QSOX1: variants seen among roughly 807,000 people sequenced by gnomAD.
The protein encoded by QSOX1 is sulfhydryl oxidase 1.
Under a neutral mutation model 76.1 loss-of-function variants are expected in QSOX1, and 40 were observed. The ratio of observed to expected loss-of-function variants is 0.53; its 90% CI spans 0.41 to 0.68. The LOEUF is 0.68. QSOX1 is among the 30% of genes least tolerant of loss of function. QSOX1 has a pLI of 0.00. For missense variants in QSOX1, 931 were observed against 974.3 expected, an observed-to-expected ratio of 0.96 and a Z score of 0.59; for synonymous variants, 392 against 413.1, an observed-to-expected ratio of 0.95 and a Z score of 0.62.
chr1:180,167,028 C>T (rs1032500655), intron 2 of QSOX1, among the ~76,000 whole-genome samples: 7 of 152,242 alleles, frequency 4.6e-5, no homozygotes, highest in African/African-American at 1.2e-4. Flanking sequence ...ATCCCCGGCA[C>T]GGGAGTTATC....
intron 2 of QSOX1, among the ~76,000 whole-genome samples, chr1:180,174,348 G>A (rs554115020): frequency 1.3e-5 from 2 of 152,358 alleles, no homozygotes; most frequent in Non-Finnish European, 2.9e-5. Context: ...GGCTTGGGGT[G>A]TCATGTACAT....
intron 1 of QSOX1, among the ~76,000 whole-genome samples, chr1:180,165,872 G>A (rs749615830): frequency 3.3e-5 from 5 of 150,816 alleles, no homozygotes; most frequent in African/African-American, 1.0e-4. Context: ...CTTGTGGCCC[G>A]GGGCCTGATG....
chr1:180,168,266 G>C (rs1178266607), intron 2 of QSOX1, among the ~76,000 whole-genome samples: 1 of 152,252 alleles, frequency 6.6e-6, no homozygotes, highest in Non-Finnish European at 1.5e-5. Flanking sequence ...GCTGGCTGTG[G>C]GAGGGGCACT....
intron 1 of QSOX1, among the ~76,000 whole-genome samples, chr1:180,160,625 A>G (rs1662471933): frequency 6.6e-6 from 1 of 152,166 alleles, no homozygotes; most frequent in East Asian, 1.9e-4. Context: ...TTATCCTGCC[A>G]GACAAAAAAA....
intron 6 of QSOX1, among the ~76,000 whole-genome samples, chr1:180,183,593 G>A (rs958882773): frequency 6.6e-6 from 1 of 152,184 alleles, no homozygotes; most frequent in Non-Finnish European, 1.5e-5. Context: ...TGTGGGCACC[G>A]GGCTGTCCCG....
Position 180,197,032 on chromosome 1 carries a change from G to A in QSOX1, c.2239G>A (p.Ala747Thr). Residue 747 changes from alanine to threonine, a missense_variant, in exon 12 of 12, where the codon GCC becomes ACC. Ala to Thr is a moderately conservative substitution (Grantham distance 58). Coordinates refer to ENST00000367602, the MANE Select transcript of QSOX1 (RefSeq NM_002826.5). ...GAAGGGCCATGCTGGCCACCCTGCA[G>A]CCTGAACCACCTGGGGAGGAGGCGG... ...ALKGHAGHPAA is the reference protein window; with the variant it reads ...ALKGHAGHPAT 1 of 1,607,252 alleles carries A rather than the reference G, an allele frequency of 6.2e-7. No individual in the cohort carries two copies. The highest frequency in any genetic ancestry group is 8.5e-7 in the Non-Finnish European group (1 of 1,176,700).
At chr1:180,188,162 A>T (rs563031022) in intron 8 of QSOX1, among the ~76,000 whole-genome samples, 1 of 152,196 alleles carries the variant, frequency 6.6e-6, no homozygotes, top group Non-Finnish European at 1.5e-5. Flanking sequence ...CATCCAGCCC[A>T]TGCCCATTAC....
chr1:180,201,115 G>T lies in QSOX1; in HGVS notation c.*4078G>T, dbSNP rs143313446. The T allele has an allele frequency of 6.6e-6, 1 of 152,188 alleles. No homozygotes were observed. Among genetic ancestry groups the T allele is most frequent in the Non-Finnish European group, 1.5e-5 (1 of 68,030 alleles). 9.4% of individuals were successfully genotyped at this position (152,188 alleles called of 1,614,324 possible). On this transcript the variant is annotated 3_prime_UTR_variant, in exon 12 of 12. Coordinates refer to ENST00000367602, the MANE Select transcript of QSOX1 (RefSeq NM_002826.5). Reference sequence around the variant, plus strand: ...TCAGCTCGTCTGTGAAATTGGGGCCGCAGACTTAGTTTGCGGGTCCCTGCT... The same window carrying T: ...TCAGCTCGTCTGTGAAATTGGGGCCTCAGACTTAGTTTGCGGGTCCCTGCT...
chr1:180,184,089 C>T (rs1558190191), intron 7 of QSOX1, 39 bp downstream of exon 7: 17 of 1,607,884 alleles, frequency 1.1e-5, no homozygotes, highest in South Asian at 4.4e-5. Flanking sequence ...CTTCTCCTTC[C>T]TCTGATCACA....
Position 180,196,362 on chromosome 1 carries a change from C to T in QSOX1, c.1569C>T (p.Asp523=), listed in dbSNP as rs569784163. The T allele has an allele frequency of 3.7e-6, 6 of 1,614,178 alleles. No individual in the cohort carries two copies. Among genetic ancestry groups the T allele is most frequent in the East Asian group, 2.2e-5 (1 of 44,884 alleles). ...AACGCCTGGATGTGCCCGTGTGGGA[C>T]GTGGAAGCCACCCTCAACTTCCTCA... The part of the protein sequence containing the change: ...HNERLDVPVW[D]VEATLNFLKA... The change falls in exon 12 of 12, where the codon GAC becomes GAT. Residue 523 remains aspartate (D), a synonymous_variant. Transcript: ENST00000367602. This position sits in a 1 kb window ranked among gnomAD's most constrained non-coding sequence, Gnocchi z 4.1.
chr1:180,187,214 G>A (rs2874044), intron 8 of QSOX1, among the ~76,000 whole-genome samples: 115,648 of 152,188 alleles, frequency 0.76, 44,200 homozygotes, highest in Non-Finnish European at 0.78. Context: ...CACTGAGAGG[G>A]CCTGACAGGG....
intron 9 of QSOX1, 78 bp from the exon 10 acceptor site, chr1:180,190,355 T>C: frequency 6.7e-7 from 1 of 1,489,216 alleles, no homozygotes; most frequent in South Asian, 1.2e-5. Context: ...CTTAGGGCTG[T>C]CTCCTAGAAG....
rs890851198 is a variant in QSOX1, at chr1:180,196,309, C to G, written c.1516C>G (p.Arg506Gly). Reference protein sequence around the residue: ...PQFPKVQWPPRELCSACHNER... With the variant: ...PQFPKVQWPPGELCSACHNER... ...GTTCCCCAAGGTGCAGTGGCCACCC[C>G]GTGAACTTTGTTCTGCCTGCCACAA... The change falls in exon 12 of 12, where the codon CGT becomes GGT. Residue 506 changes from arginine to glycine, a missense_variant. Arg to Gly is a moderately radical substitution (Grantham distance 125). Transcript: ENST00000367602. This position sits in a 1 kb window ranked among gnomAD's most constrained non-coding sequence, Gnocchi z 4.1. The G allele has an allele frequency of 5.6e-6, 9 of 1,614,072 alleles. No individual in the cohort carries two copies. Among genetic ancestry groups the G allele is most frequent in the Non-Finnish European group, 7.6e-6 (9 of 1,179,974 alleles).
At chr1:180,178,041 T>A (rs1294838220) in intron 4 of QSOX1, among the ~76,000 whole-genome samples, 1 of 152,088 alleles carries the variant, frequency 6.6e-6, no homozygotes, top group Non-Finnish European at 1.5e-5. Context: ...GGAGCACATC[T>A]CCCCCTTGGT....
intron 6 of QSOX1, among the ~76,000 whole-genome samples, chr1:180,183,694 G>A (rs1460987470): frequency 6.6e-6 from 1 of 152,224 alleles, no homozygotes; most frequent in Non-Finnish European, 1.5e-5. Flanking sequence ...CATCAGGCTG[G>A]TGTCAGAGAG....
Position 180,166,590 on chromosome 1 carries a change from G to A in QSOX1, c.365G>A (p.Arg122Lys), listed in dbSNP as rs955705755. 1 of 1,613,456 alleles carries A rather than the reference G, an allele frequency of 6.2e-7. No individual in the cohort carries two copies. Among genetic ancestry groups the A allele is most frequent in the African/African-American group, 1.3e-5 (1 of 74,860 alleles). The change falls in exon 2 of 12, where the codon AGG becomes AAG. Residue 122 changes from arginine (R) to lysine (K), a missense_variant and splice_region_variant. Coordinates refer to ENST00000367602, the MANE Select transcript of QSOX1 (RefSeq NM_002826.5). Reference protein sequence around the residue: ...DFNIPGFPTVRFFKAFTKNGS... With the variant: ...DFNIPGFPTVKFFKAFTKNGS... The stretch of plus-strand genomic sequence containing the variant: ...AACATCCCTGGCTTCCCGACTGTGA[G>A]GGTGTGTGACTGACAGGAGGGGAAG...
rs199868184 is a variant in QSOX1 at position 180,182,091 on chromosome 1, C to T, written c.607-83C>T. 63 of 1,490,032 alleles carry T rather than the reference C, an allele frequency of 4.2e-5. 1 individual carries two copies. In the East Asian group the frequency reaches 1.4e-3, roughly 32 times the overall value. 92.3% of individuals were successfully genotyped at this position (1,490,032 alleles called of 1,614,324 possible). On this transcript the variant is annotated intron_variant, in intron 5 of 11. Transcript: ENST00000367602. ...AGGAGCACAGCTGCCATCTGGGTGC[C>T]TTCACAGGTCACCGAGCTGGGACCC... is the stretch of plus-strand genomic sequence containing the variant.
At position 180,196,783 on chromosome 1, in the gene QSOX1, G is replaced by A; in HGVS notation, c.1990G>A (p.Gly664Ser). The A allele has an allele frequency of 6.2e-7, 1 of 1,614,142 alleles. No individual in the cohort carries two copies. Among genetic ancestry groups the A allele is most frequent in the Non-Finnish European group, 8.5e-7 (1 of 1,180,004 alleles). ...ESRAEKNRLW[G>S]PLEVRRVGRS... is the part of the protein sequence containing the mutation. ...CAGGGCTGAGAAGAACCGCCTCTGG[G>A]GCCCTTTGGAGGTCAGGCGCGTGGG... is the stretch of plus-strand genomic sequence containing the variant. Residue 664 changes from glycine to serine, a missense_variant, in exon 12 of 12, where the codon GGC (glycine) becomes AGC (serine). By Grantham distance (56) the Gly-to-Ser change is moderately conservative. Transcript: ENST00000367602. The surrounding 1 kb of genome is among the most constrained non-coding windows in gnomAD (Gnocchi z 4.1).
chr1:180,184,889 T>A (rs1455847485), intron 7 of QSOX1, among the ~76,000 whole-genome samples: 1 of 151,712 alleles, frequency 6.6e-6, no homozygotes, highest in African/African-American at 2.4e-5. Context: ...AAAGAGAGAG[T>A]GAGGGGTGGT....
Sources: gnomAD v4.1 joint callset for allele counts (sites outside exome capture counted in the v4.1 genomes callset) on GRCh38, gnomAD v4.1.1 for gene constraint, Gnocchi (gnomAD v3.1) non-coding constraint, MANE v1.5 for transcripts, NCBI Gene and HGNC (gene_info 2026-07-23, HGNC 2026-07-21) for gene names.